The following DLG2 variants were observed in gnomAD, a reference collection of about 807,000 sequenced individuals.
DLG2 encodes discs large MAGUK scaffold protein 2.
A neutral mutation model predicts 132.5 loss-of-function variants in DLG2; 45 were observed. That is an observed-to-expected ratio of 0.34 (90% confidence interval 0.27 to 0.44). The LOEUF is 0.44. Among genes scored for constraint, DLG2 ranks in the 20% least tolerant of loss-of-function variants. The pLI is 1.00. For missense variants in DLG2, 1,045 were observed against 1,196.9 expected (o/e 0.87, Z 1.87); for synonymous variants, 424 against 419.6 (o/e 1.01, Z -0.13).
intron 3 of DLG2, among the ~76,000 whole-genome samples, chr11:85,288,150 G>T (rs1009620087): frequency 2.6e-5 from 4 of 151,820 alleles, no homozygotes; most frequent in Non-Finnish European, 5.9e-5. Context: ...TAGATAAATT[G>T]CATATATTAT....
chr11:85,469,219 C>T (rs2092907110), intron 3 of DLG2: 1 of 152,192 alleles, frequency 6.6e-6, no homozygotes, highest in Non-Finnish European at 1.5e-5. Context: ...CCACTTTGGT[C>T]AAAAGAGCTA....
At chr11:84,727,814 T>G (rs766328578) in intron 6 of DLG2, among the ~76,000 whole-genome samples, 1 of 152,222 alleles carries the variant, frequency 6.6e-6, no homozygotes, top group Admixed American at 6.5e-5. Flanking sequence ...GTCCTTCACA[T>G]TCCTTGTAAG....
At chr11:85,599,192 T>G (rs1264702609) in intron 2 of DLG2, among the ~76,000 whole-genome samples, 1 of 152,122 alleles carries the variant, frequency 6.6e-6, no homozygotes, top group Non-Finnish European at 1.5e-5. Context: ...TCCCACTATA[T>G]AGTCCACACT....
chr11:85,183,939 T>C (rs558447771), intron 4 of DLG2, among the ~76,000 whole-genome samples: 1 of 151,988 alleles, frequency 6.6e-6, no homozygotes, highest in South Asian at 2.1e-4. Context: ...GAATATGTTA[T>C]CTCATTAAAT....
intron 3 of DLG2, among the ~76,000 whole-genome samples, chr11:85,427,689 T>C (rs1225831907): frequency 6.6e-6 from 1 of 152,052 alleles, no homozygotes; most frequent in African/African-American, 2.4e-5. Flanking sequence ...ATGGTAAAGA[T>C]CACCAATGCT....
rs527462856 is a variant in DLG2, at chr11:84,056,022, C to T, written c.919+3293G>A. ...TTTTTGATGCTTACTATATTGTACC[C>T]ATGTGCTCAAGGAAGGTCAGATAAA... On this transcript the variant is annotated intron_variant, in intron 11 of 27. Coordinates refer to ENST00000376104, the MANE Select transcript of DLG2 (RefSeq NM_001142699.3). 8.5e-5 allele frequency among the ~76,000 whole-genome samples: 13 copies of T among 152,100 alleles called. No individual in the cohort carries two copies. The South Asian group carries it at 2.7e-3, about 32-fold the overall frequency.
intron 18 of DLG2, among the ~76,000 whole-genome samples, chr11:83,659,908 T>C (rs1452854656): frequency 6.6e-6 from 1 of 152,224 alleles, no homozygotes; most frequent in Admixed American, 6.5e-5. Context: ...TTCTTTTCAT[T>C]TTGTGGCCCT....
intron 5 of DLG2, among the ~76,000 whole-genome samples, chr11:85,115,995 C>G (rs2073514840): frequency 6.6e-6 from 1 of 151,900 alleles, no homozygotes; most frequent in African/African-American, 2.4e-5. Context: ...AAGAGGCCCT[C>G]CTGAGTTTAA....
chr11:84,489,523 C>G (rs571740291), intron 7 of DLG2, among the ~76,000 whole-genome samples: 1 of 152,098 alleles, frequency 6.6e-6, no homozygotes, highest in African/African-American at 2.4e-5. Context: ...AGGTTATACC[C>G]TTCCCATTGA....
Position 84,523,901 on chromosome 11 carries a change from TTCA to T in DLG2, c.519+10666_519+10668del, listed in dbSNP as rs911101729. Among the ~76,000 whole-genome samples, 24 of 152,276 alleles carry T rather than the reference TTCA, an allele frequency of 1.6e-4. No individual in the cohort carries two copies. In the East Asian group the frequency reaches 2.9e-3, roughly 18 times the overall value. Reference sequence around the variant, plus strand: ...ATAACCTAATATTTCTTAGAAAAAATTCATCATCATTATTGTTATTAATACTAT... The same window carrying T: ...ATAACCTAATATTTCTTAGAAAAAATTCATCATTATTGTTATTAATACTAT... On this transcript the variant is annotated intron_variant, in intron 7 of 27. Coordinates refer to ENST00000376104, the MANE Select transcript of DLG2 (RefSeq NM_001142699.3).
At chr11:84,249,719 T>C (rs1405503913) in intron 8 of DLG2, among the ~76,000 whole-genome samples, 2 of 152,170 alleles carry the variant, frequency 1.3e-5, no homozygotes, top group Non-Finnish European at 2.9e-5. Context: ...TTTAAGACAT[T>C]GCTTTGTTTG....
chr11:84,749,610 T>C (rs1164920064), intron 6 of DLG2, among the ~76,000 whole-genome samples: 1 of 152,166 alleles, frequency 6.6e-6, no homozygotes, highest in African/African-American at 2.4e-5. Flanking sequence ...CATCTAGGCT[T>C]GTGTAAGTAC....
Position 85,160,049 on chromosome 11 carries a change from G to A in DLG2, c.187-5398C>T, listed in dbSNP as rs569916400. Among the ~76,000 whole-genome samples, 23 of 152,332 alleles carry A rather than the reference G, an allele frequency of 1.5e-4. 2 individuals are homozygous for A. The highest frequency in any genetic ancestry group is 1.2e-3 in the Admixed American group (18 of 15,306). On this transcript the variant is annotated intron_variant, in intron 4 of 27. Coordinates refer to ENST00000376104, the MANE Select transcript of DLG2 (RefSeq NM_001142699.3). ...CCTCAGTAAAATTCTTAGGTGTCCA[G>A]TGGTGTGGGGCCTGTCAAGATATTC...
intron 6 of DLG2, among the ~76,000 whole-genome samples, chr11:84,722,104 C>A (rs1158369323): frequency 6.6e-6 from 1 of 152,166 alleles, no homozygotes; most frequent in African/African-American, 2.4e-5. Context: ...AAAACAGCAT[C>A]ATGAGAGACA....
chr11:83,662,845 C>T (rs1276892559), intron 18 of DLG2, among the ~76,000 whole-genome samples: 1 of 152,170 alleles, frequency 6.6e-6, no homozygotes, highest in Non-Finnish European at 1.5e-5. Context: ...AGGCAAGTAG[C>T]AGACTGGCAC....
chr11:84,810,973 G>A lies in DLG2; in HGVS notation c.358-276242C>T, dbSNP rs550669573. 3.9e-5 allele frequency among the ~76,000 whole-genome samples: 6 copies of A among 152,214 alleles called. No homozygotes were observed. In the South Asian group the frequency reaches 1.2e-3, roughly 32 times the overall value. ...TGTGGCAATGAAAGGACAACATGTGGGGTCCTTGTGATAAAGAAAGTTATC... is the reference window on the plus strand; with the variant it reads ...TGTGGCAATGAAAGGACAACATGTGAGGTCCTTGTGATAAAGAAAGTTATC... On this transcript the variant is annotated intron_variant, in intron 6 of 27. Coordinates refer to ENST00000376104, the MANE Select transcript of DLG2 (RefSeq NM_001142699.3).
intron 3 of DLG2, among the ~76,000 whole-genome samples, chr11:85,424,896 T>C (rs1239714051): frequency 6.6e-6 from 1 of 152,182 alleles, no homozygotes; most frequent in African/African-American, 2.4e-5. Flanking sequence ...GCCTGCAGAA[T>C]GGTGAGAAAT....
At position 85,026,564 on chromosome 11, in the gene DLG2, G is replaced by A. The variant is rs118061106; in HGVS notation, c.357+85097C>T. Among the ~76,000 whole-genome samples, 135 of 152,194 alleles carry A rather than the reference G, an allele frequency of 8.9e-4. 2 individuals carry two copies. The East Asian group carries it at 0.016, about 18-fold the overall frequency. On this transcript the variant is annotated intron_variant, in intron 6 of 27. Transcript: ENST00000376104. ...AATAAGCATATTCTTTCGGCCGGGC[G>A]CGGTAGCTCACACCTATAATCCCAG... is the stretch of plus-strand genomic sequence containing the variant.
chr11:85,009,186 A>T (rs1314092599), intron 6 of DLG2, among the ~76,000 whole-genome samples: 1 of 152,130 alleles, frequency 6.6e-6, no homozygotes, highest in East Asian at 1.9e-4. Context: ...TTGCCTTAAG[A>T]ATGCTTGTAT....
Sources: gnomAD v4.1 joint callset for allele counts (sites outside exome capture counted in the v4.1 genomes callset) on GRCh38, gnomAD v4.1.1 for gene constraint, MANE v1.5 for transcripts, NCBI Gene and HGNC (gene_info 2026-07-23, HGNC 2026-07-21) for gene names.